Variants in GLIPR1 observed in about 807,000 individuals in gnomAD.
The protein encoded by GLIPR1 is glioma pathogenesis-related protein 1.
GLIPR1 carries 38 observed loss-of-function variants against 30.3 expected under a neutral mutation model. That is an observed-to-expected ratio of 1.26 (90% CI 0.97 to 1.65). GLIPR1 has a LOEUF of 1.65. Ranked by LOEUF, GLIPR1 falls within the 40% of genes most tolerant of loss-of-function variation. The pLI, the probability that GLIPR1 is intolerant of heterozygous loss-of-function variation, is 0.00. For synonymous variants in GLIPR1, 122 were observed against 110.6 expected (o/e 1.10, Z -0.65); for missense variants, 285 against 326.5 (o/e 0.87, Z 0.98).
At chr12:75,482,437 T>C (rs1195719666) in intron 2 of GLIPR1, among the ~76,000 whole-genome samples, 1 of 152,174 alleles carries the variant, frequency 6.6e-6, no homozygotes, top group African/African-American at 2.4e-5. Context: ...CCAATTGTTT[T>C]GGGACTATAA....
chr12:75,490,022 C>T (rs1288630507), intron 2 of GLIPR1, among the ~76,000 whole-genome samples: 1 of 152,112 alleles, frequency 6.6e-6, no homozygotes, highest in Non-Finnish European at 1.5e-5. Flanking sequence ...GCTCTTCCTC[C>T]ATTGTTTAAG....
Position 75,502,035 on chromosome 12 carries a change from T to C in GLIPR1, c.*3057T>C. 6.5e-7 allele frequency: 1 copy of C among 1,545,462 alleles called. No individual in the cohort carries two copies. The highest frequency in any genetic ancestry group is 8.9e-7 in the Non-Finnish European group (1 of 1,120,282). On this transcript the variant is annotated 3_prime_UTR_variant, in exon 6 of 6. Transcript: ENST00000266659. ...ACGGTATTTACAATTACATCAGAAA[T>C]AATGTAGAGGAGAAGTCATGTCCTA...
intron 2 of GLIPR1, among the ~76,000 whole-genome samples, chr12:75,487,032 T>C (rs1378916934): frequency 6.6e-6 from 1 of 152,170 alleles, no homozygotes; most frequent in Non-Finnish European, 1.5e-5. Flanking sequence ...GTAACTAACA[T>C]TTGCACACTT....
In GLIPR1 at chr12:75,498,878, C is replaced by A; in HGVS notation, c.701C>A (p.Thr234Asn). ...GWPIYPRNRY[T>N]SLFLIVNSVI... Reference sequence around the variant, plus strand: ...CCCATATATCCACGTAACAGATACACTTCTCTCTTTCTCATTGTTAATTCA... The same window carrying A: ...CCCATATATCCACGTAACAGATACAATTCTCTCTTTCTCATTGTTAATTCA... Residue 234 changes from threonine (T) to asparagine (N), a missense_variant, in exon 6 of 6, where the codon ACT becomes AAT. Thr to Asn is a moderately conservative substitution (Grantham distance 65). Transcript: ENST00000266659. 2 of 1,609,866 alleles carry A rather than the reference C, an allele frequency of 1.2e-6. No homozygotes were observed. The highest frequency in any genetic ancestry group is 1.7e-6 in the Non-Finnish European group (2 of 1,176,458).
intron 2 of GLIPR1, among the ~76,000 whole-genome samples, chr12:75,485,740 T>TG (rs1566095884): frequency 6.6e-6 from 1 of 151,614 alleles, no homozygotes; most frequent in East Asian, 1.9e-4. Context: ...TTAGTAGAGA[T>TG]GGGGTTTCAC....
intron 3 of GLIPR1, chr12:75,493,192 G>A (rs902033582): frequency 7.9e-5 from 12 of 152,192 alleles, no homozygotes; most frequent in African/African-American, 2.4e-4. Flanking sequence ...AAGCAGGGGA[G>A]CGATGAGACC....
At chr12:75,494,295 C>T (rs1021527451) in intron 3 of GLIPR1, 10 of 152,148 alleles carry the variant, frequency 6.6e-5, no homozygotes, top group Non-Finnish European at 1.5e-4. Context: ...TTTATTTTCA[C>T]TAACCTCTAT....
intron 2 of GLIPR1, among the ~76,000 whole-genome samples, chr12:75,483,283 T>C (rs1200663897): frequency 1.3e-5 from 2 of 152,206 alleles, no homozygotes; most frequent in Non-Finnish European, 2.9e-5. Context: ...AGCCTACAAG[T>C]GGTACTTGTA....
chr12:75,482,017 G>A lies in GLIPR1; in HGVS notation c.358G>A (p.Glu120Lys), dbSNP rs574219796. 8.7e-6 allele frequency: 14 copies of A among 1,613,942 alleles called. No individual in the cohort carries two copies. Among genetic ancestry groups the A allele is most frequent in the African/African-American group, 4.0e-5 (3 of 75,004 alleles). The stretch of plus-strand genomic sequence containing the variant: ...TTCCGCCATCACAAACTGGTATGAC[G>A]AAATCCAGGACTATGACTTCAAGAC... The part of the protein sequence containing the change: ...VSSAITNWYD[E>K]IQDYDFKTRI... The change falls in exon 2 of 6, where the codon GAA becomes AAA. Residue 120 changes from glutamate to lysine, a missense_variant. Coordinates refer to ENST00000266659, the MANE Select transcript of GLIPR1 (RefSeq NM_006851.3).
Position 75,490,434 on chromosome 12 carries a change from G to A in GLIPR1, c.449G>A (p.Gly150Asp), listed in dbSNP as rs1254488459. 6.2e-7 allele frequency: 1 copy of A among 1,603,354 alleles called. No homozygotes were observed. The highest frequency in any genetic ancestry group is 2.2e-5 in the East Asian group (1 of 44,768). Residue 150 changes from glycine to aspartate, a missense_variant, in exon 3 of 6, where the codon GGC (glycine) becomes GAC (aspartate). Transcript: ENST00000266659. ...QVVWADSYKV[G>D]CAVQFCPKVS... ...GTTTGGGCAGATAGTTACAAAGTTGGCTGCGCAGTTCAATTTTGCCCTAAA... is the reference window on the plus strand; with the variant it reads ...GTTTGGGCAGATAGTTACAAAGTTGACTGCGCAGTTCAATTTTGCCCTAAA...
intron 1 of GLIPR1, among the ~76,000 whole-genome samples, 168 bp from the exon 2 acceptor site, chr12:75,481,666 C>T (rs1266286632): frequency 3.3e-5 from 5 of 152,134 alleles, no homozygotes; most frequent in East Asian, 1.9e-4. Context: ...TAAATTGTCA[C>T]GTTTCCTACC....
chr12:75,486,449 G>A (rs2046294369), intron 2 of GLIPR1, among the ~76,000 whole-genome samples: 1 of 152,194 alleles, frequency 6.6e-6, no homozygotes, highest in Non-Finnish European at 1.5e-5. Flanking sequence ...GGCCTATGGA[G>A]TTGGTATTGT....
rs1323799576 is a variant in GLIPR1 at position 75,502,672 on chromosome 12, A to AAACTT, written c.*3697_*3701dup. 6.6e-6 allele frequency: 1 copy of AAACTT among 152,068 alleles called. No individual in the cohort carries two copies. The highest frequency in any genetic ancestry group is 1.5e-5 in the Non-Finnish European group (1 of 67,972). 9.4% of individuals were successfully genotyped at this position (152,068 alleles called of 1,614,324 possible). A position where few individuals can be genotyped will look rare whatever the true frequency, so the allele number is the denominator to read the frequency against. ...CATTACTCCCACTTTAGGTATGGGG[A>AAACTT]AACTTAAGTATGGATGGGATAAATA... On this transcript the variant is annotated 3_prime_UTR_variant, in exon 6 of 6. Coordinates refer to ENST00000266659, the MANE Select transcript of GLIPR1 (RefSeq NM_006851.3).
rs984264006 is a variant in GLIPR1 at position 75,497,897 on chromosome 12, A to T, written c.620-797A>T. The T allele has an allele frequency of 2.1e-3, 127 of 61,650 alleles. 1 individual carries two copies. The highest frequency in any genetic ancestry group is 0.015 in the Admixed American group (101 of 6,522). The allele number at this position is 61,650 out of a possible 1,614,324, so 3.8% of individuals were successfully genotyped here. On this transcript the variant is annotated intron_variant, in intron 4 of 5. Coordinates refer to ENST00000266659, the MANE Select transcript of GLIPR1 (RefSeq NM_006851.3). The stretch of plus-strand genomic sequence containing the variant: ...TATTGAACATTTAAAAATATATATA[A>T]AAAAAAATAACTAGAACATCACACT...
chr12:75,494,036 T>C (rs2046336802), intron 3 of GLIPR1: 1 of 152,242 alleles, frequency 6.6e-6, no homozygotes, highest in Admixed American at 6.5e-5. Context: ...TTGGACATCT[T>C]TTGAAATTGC....
chr12:75,484,626 G>A (rs2046285408), intron 2 of GLIPR1: 2 of 152,232 alleles, frequency 1.3e-5, no homozygotes, highest in Admixed American at 6.5e-5. Flanking sequence ...ATGGGGTGGA[G>A]CTGTTTTATA....
intron 3 of GLIPR1, chr12:75,493,101 G>T (rs764363833): frequency 6.6e-6 from 1 of 152,202 alleles, no homozygotes; most frequent in South Asian, 2.1e-4. Flanking sequence ...CAGATGAAAC[G>T]GGGGGAGGAA....
intron 4 of GLIPR1, chr12:75,495,871 T>C (rs1211118727): frequency 8.0e-6 from 3 of 372,980 alleles, no homozygotes; most frequent in Non-Finnish European, 1.5e-5. Flanking sequence ...TTAGTTCTAA[T>C]TGGTCAAACA....
At chr12:75,491,461 T>C (rs992973781) in intron 3 of GLIPR1, 3 of 152,370 alleles carry the variant, frequency 2.0e-5, no homozygotes, top group Non-Finnish European at 4.4e-5. Context: ...ATTTAATATA[T>C]GATGAACAAC....
Sources: allele counts gnomAD v4.1 joint callset (sites outside exome capture counted in the v4.1 genomes callset), GRCh38; gene constraint gnomAD v4.1.1; transcripts MANE v1.5; gene names NCBI Gene and HGNC (gene_info 2026-07-23, HGNC 2026-07-21).